Variants in PTPRN2 observed in about 807,000 individuals in gnomAD.
PTPRN2 encodes the protein receptor-type tyrosine-protein phosphatase N2.
In PTPRN2, 74 loss-of-function variants were observed where a neutral mutation model predicts 118.8. That is an observed-to-expected ratio of 0.62 (90% CI 0.52 to 0.76). PTPRN2 has a LOEUF of 0.76. Ranked by LOEUF, PTPRN2 falls within the 30% of genes least tolerant of loss-of-function variation. The probability of loss-of-function intolerance (pLI) is 0.00; values close to 1 mark genes in which losing one functional copy is unlikely to be tolerated. For synonymous variants in PTPRN2, 641 were observed against 608.0 expected, an observed-to-expected ratio of 1.05 and a Z score of -0.80; for missense variants, 1,481 against 1,394.4, an observed-to-expected ratio of 1.06 and a Z score of -0.99.
At chr7:158,307,428 G>A (rs981649345) in intron 3 of PTPRN2, among the ~76,000 whole-genome samples, 16 of 151,962 alleles carry the variant, frequency 1.1e-4, no homozygotes, top group Non-Finnish European at 2.1e-4. Flanking sequence ...TAAAAAATTA[G>A]AAACCTGTGA....
chr7:157,746,578 G>A (rs1230281993), intron 12 of PTPRN2, among the ~76,000 whole-genome samples: 6 of 135,242 alleles, frequency 4.4e-5, no homozygotes, highest in South Asian at 2.6e-4. Context: ...GGCCAAGGGC[G>A]TGGAGATCAC....
chr7:158,054,843 C>T (rs1262007390), intron 11 of PTPRN2, among the ~76,000 whole-genome samples: 1 of 152,226 alleles, frequency 6.6e-6, no homozygotes, highest in East Asian at 1.9e-4. Flanking sequence ...TCTGTCCAAT[C>T]CATCACCAAA....
intron 3 of PTPRN2, among the ~76,000 whole-genome samples, chr7:158,262,946 TCACA>T (rs1181511755): frequency 2.4e-5 from 3 of 127,634 alleles, no homozygotes; most frequent in East Asian, 2.5e-4. Context: ...ACACACACAT[TCACA>T]CACATACACA....
At chr7:158,417,010 G>C (rs929618098) in intron 2 of PTPRN2, among the ~76,000 whole-genome samples, 2 of 150,068 alleles carry the variant, frequency 1.3e-5, no homozygotes, top group African/African-American at 4.9e-5. Flanking sequence ...ACACTACATC[G>C]AGATGCTCTA....
At chr7:158,112,827 G>T (rs903462056) in intron 9 of PTPRN2, among the ~76,000 whole-genome samples, 2 of 151,250 alleles carry the variant, frequency 1.3e-5, no homozygotes, top group Non-Finnish European at 3.0e-5. Flanking sequence ...GGGGCGATGT[G>T]CCTGTGAGTG....
Position 157,676,337 on chromosome 7 carries a change from T to G in PTPRN2, c.2001+6388A>C, listed in dbSNP as rs1324463183. Among the ~76,000 whole-genome samples, 1 of 152,104 alleles carries G rather than the reference T, an allele frequency of 6.6e-6. No individual in the cohort carries two copies. ...GCCGCCAAGAGCTCCACCCACCACC[T>G]GGCCCAGCCCCTCCTCTGTCATCTC... On this transcript the variant is annotated intron_variant, in intron 13 of 22. Coordinates refer to ENST00000389418, the MANE Select transcript of PTPRN2 (RefSeq NM_002847.5). The surrounding 1 kb of genome is among the most constrained non-coding windows in gnomAD (Gnocchi z 5.6).
intron 14 of PTPRN2, among the ~76,000 whole-genome samples, chr7:157,644,795 CAAAAAACAAAAAAA>C (rs1480679946): frequency 1.4e-4 from 12 of 85,466 alleles, no homozygotes; most frequent in East Asian, 5.4e-4. Context: ...AACTCCATCT[CAAAAAACAAAAAAA>C]AAAAAACAAA....
At chr7:157,841,253 G>A (rs954974873) in intron 12 of PTPRN2, among the ~76,000 whole-genome samples, 2 of 152,220 alleles carry the variant, frequency 1.3e-5, no homozygotes, top group Non-Finnish European at 2.9e-5. Flanking sequence ...CTTCTTCACC[G>A]CCTTCACTCC....
At chr7:157,670,130 C>T (rs929435128) in intron 13 of PTPRN2, among the ~76,000 whole-genome samples, 24 of 152,312 alleles carry the variant, frequency 1.6e-4, no homozygotes, top group African/African-American at 2.4e-4. Context: ...CCCCGCCGGC[C>T]GACAGCTGCG....
intron 11 of PTPRN2, among the ~76,000 whole-genome samples, chr7:157,970,787 T>C (rs1344260348): frequency 6.6e-6 from 1 of 152,156 alleles, no homozygotes; most frequent in Non-Finnish European, 1.5e-5. Flanking sequence ...ATGCCCTCTC[T>C]GGGGCTCATT....
Position 158,171,079 on chromosome 7 carries a change from TA to T in PTPRN2, c.550-3789del, listed in dbSNP as rs1563554413. 1.1e-3 allele frequency among the ~76,000 whole-genome samples: 25 copies of T among 22,036 alleles called. 3 individuals are homozygous for T. The highest frequency in any genetic ancestry group is 3.6e-3 in the Non-Finnish European group (24 of 6,736). 14.5% of individuals were successfully genotyped at this position (22,036 alleles called of 152,430 possible). A position where few individuals can be genotyped will look rare whatever the true frequency, so the allele number is the denominator to read the frequency against. On this transcript the variant is annotated intron_variant, in intron 5 of 22. Transcript: ENST00000389418. ...CACATATATACACATTATATACACA[TA>T]TATATACACACATATATATATACAC...
intron 19 of PTPRN2, among the ~76,000 whole-genome samples, chr7:157,575,152 T>C (rs771455536): frequency 1.3e-5 from 2 of 152,226 alleles, no homozygotes; most frequent in African/African-American, 2.4e-5. Context: ...TGCATATACG[T>C]GCAAACACAC....
chr7:158,202,199 A>C (rs1237870176), intron 4 of PTPRN2, among the ~76,000 whole-genome samples: 1 of 152,252 alleles, frequency 6.6e-6, no homozygotes, highest in Non-Finnish European at 1.5e-5. Context: ...AAAGTAGATC[A>C]ATGGTAAAAG....
At chr7:158,167,326 A>G (rs556383388) in intron 5 of PTPRN2, 35 bp from the exon 6 acceptor site, 3 of 1,539,458 alleles carry the variant, frequency 1.9e-6, no homozygotes, top group Non-Finnish European at 1.8e-6. Context: ...AGCAAGAGTC[A>G]CATTTCCATC....
chr7:158,303,634 C>G (rs911807460), intron 3 of PTPRN2, among the ~76,000 whole-genome samples: 1 of 152,176 alleles, frequency 6.6e-6, no homozygotes, highest in Non-Finnish European at 1.5e-5. Context: ...GTATATAAAA[C>G]AAGCTTCAGA....
At chr7:158,111,706 C>T (rs1223152199) in intron 9 of PTPRN2, among the ~76,000 whole-genome samples, 2 of 152,200 alleles carry the variant, frequency 1.3e-5, no homozygotes, top group Non-Finnish European at 2.9e-5. Flanking sequence ...GAGCTGCTTC[C>T]AAATACAGCA....
At position 158,003,753 on chromosome 7, in the gene PTPRN2, G is replaced by T. The variant is rs1322148451; in HGVS notation, c.1723+77545C>A. 6.6e-6 allele frequency among the ~76,000 whole-genome samples: 1 copy of T among 152,148 alleles called. No individual in the cohort carries two copies. Among genetic ancestry groups the T allele is most frequent in the African/African-American group, 2.4e-5 (1 of 41,436 alleles). Reference sequence around the variant, plus strand: ...GGCGGGATCCAGGTTTCTTGGTGGTGGCGAGCTTCTCACATGGGCTTGGCG... The same window carrying T: ...GGCGGGATCCAGGTTTCTTGGTGGTTGCGAGCTTCTCACATGGGCTTGGCG... On this transcript the variant is annotated intron_variant, in intron 11 of 22. Coordinates refer to ENST00000389418, the MANE Select transcript of PTPRN2 (RefSeq NM_002847.5). The surrounding 1 kb of genome is among the most constrained non-coding windows in gnomAD (Gnocchi z 5.0).
chr7:158,309,552 T>A (rs180730332), intron 3 of PTPRN2, among the ~76,000 whole-genome samples: 2 of 152,288 alleles, frequency 1.3e-5, no homozygotes, highest in East Asian at 3.9e-4. Flanking sequence ...GAACCCTGAC[T>A]AATGCATTTG....
chr7:158,370,001 C>T (rs768705330), intron 2 of PTPRN2, among the ~76,000 whole-genome samples: 12 of 152,252 alleles, frequency 7.9e-5, no homozygotes, highest in Non-Finnish European at 1.6e-4. Context: ...AGAACTGTCC[C>T]GGGAAGTCAC....
Sources: allele counts gnomAD v4.1 joint callset (sites outside exome capture counted in the v4.1 genomes callset), GRCh38; gene constraint gnomAD v4.1.1; non-coding constraint Gnocchi (gnomAD v3.1); transcripts MANE v1.5; gene names NCBI Gene and HGNC (gene_info 2026-07-23, HGNC 2026-07-21).